Variants in ALX4 observed in about 807,000 individuals in gnomAD.
The protein encoded by ALX4 is homeobox protein aristaless-like 4.
A neutral mutation model predicts 40.6 loss-of-function variants in ALX4; 22 were observed. That is an observed-to-expected ratio of 0.54 (90% confidence interval 0.39 to 0.77). The LOEUF (loss-of-function observed/expected upper bound fraction) is 0.77. Among genes scored for constraint, ALX4 ranks in the 30% least tolerant of loss-of-function variants. ALX4 has a pLI of 0.00. For missense variants in ALX4, 556 were observed against 564.8 expected (o/e 0.98, Z 0.16); for synonymous variants, 266 against 240.5 (o/e 1.11, Z -0.98).
chr11:44,304,057 A>C (rs1190648606), intron 1 of ALX4, among the ~76,000 whole-genome samples: 1 of 152,202 alleles, frequency 6.6e-6, no homozygotes, highest in African/African-American at 2.4e-5. Context: ...CTTCCAGCAA[A>C]GGGCCCTGTT....
At chr11:44,265,753 T>G (rs149622006) in intron 3 of ALX4, among the ~76,000 whole-genome samples, 1,619 of 152,080 alleles carry the variant, frequency 0.011, 28 homozygotes, top group African/African-American at 0.036. Context: ...CTAGGAGGCT[T>G]CAGAACTAAC....
At position 44,278,242 on chromosome 11, in the gene ALX4, C is replaced by T. The variant is rs550275315; in HGVS notation, c.467-2584G>A. Among the ~76,000 whole-genome samples the T allele has an allele frequency of 1.5e-4, 23 of 151,902 alleles. 1 individual carries two copies. Among genetic ancestry groups the T allele is most frequent in the African/African-American group, 5.3e-4 (22 of 41,298 alleles). On this transcript the variant is annotated intron_variant, in intron 1 of 3. Transcript: ENST00000652299. ...GAACTGAGAGTTGGTATGGACCAGC[C>T]TGAACTCCTAGTTTTAACTGGGGGG...
intron 1 of ALX4, among the ~76,000 whole-genome samples, chr11:44,294,828 CTATTTATTTATTTATT>C (rs60988016): frequency 1.1e-4 from 17 of 148,224 alleles, no homozygotes; most frequent in African/African-American, 1.5e-4. Flanking sequence ...AGATCCTTAC[CTATTTATTTATTTATT>C]TATTTATTTA....
intron 2 of ALX4, among the ~76,000 whole-genome samples, chr11:44,269,347 C>T (rs1956231648): frequency 6.6e-6 from 1 of 152,222 alleles, no homozygotes; most frequent in African/African-American, 2.4e-5. Flanking sequence ...TTCTTTACAG[C>T]TCCTGACCTT....
chr11:44,274,820 C>T (rs1314353456), intron 2 of ALX4, among the ~76,000 whole-genome samples: 1 of 152,196 alleles, frequency 6.6e-6, no homozygotes, highest in Non-Finnish European at 1.5e-5. Flanking sequence ...GCTTTAGCCA[C>T]AGTGGTCAGG....
intron 2 of ALX4, among the ~76,000 whole-genome samples, chr11:44,268,893 C>T (rs1376155321): frequency 1.3e-5 from 2 of 152,194 alleles, no homozygotes; most frequent in Non-Finnish European, 2.9e-5. Context: ...CGCTGCAGAC[C>T]GGGAGAACAG....
intron 1 of ALX4, among the ~76,000 whole-genome samples, chr11:44,304,494 GC>G (rs550578243): frequency 2.2e-4 from 33 of 151,502 alleles, no homozygotes; most frequent in African/African-American, 9.7e-5. Flanking sequence ...GGCAGGGCGC[GC>G]CCCCCCCATG....
intron 1 of ALX4, among the ~76,000 whole-genome samples, chr11:44,283,775 G>A (rs1273823647): frequency 6.6e-6 from 1 of 152,128 alleles, no homozygotes; most frequent in African/African-American, 2.4e-5. Flanking sequence ...TGTTGCCCAG[G>A]CTGGTCTTGA....
rs1178620419 is a variant in ALX4, at chr11:44,275,558, C to T, written c.567G>A (p.Gly189=). The T allele has an allele frequency of 6.2e-7, 1 of 1,614,170 alleles. No homozygotes were observed. Among genetic ancestry groups the T allele is most frequent in the African/African-American group, 1.3e-5 (1 of 75,040 alleles). ...GGTCTGAGCTGGCCCGGTCCTGGGG[C>T]CCCTTCACCCCAGCCTCCTTGACAC... ...YLSVKEAGVK[G]PQDRASSDLP... is the part of the protein sequence containing the mutation. Residue 189 remains glycine (G), a synonymous_variant, in exon 2 of 4, where the codon GGG becomes GGA. Transcript: ENST00000652299.
chr11:44,310,057 A>T lies in ALX4; in HGVS notation c.6T>A (p.Asn2Lys). M[N>K]AETCVSYCES... ...CGCAGTAAGAGACGCAAGTCTCAGC[A>T]TTCATGCCTGGCTTGCGCAGGCGGC... is the stretch of plus-strand genomic sequence containing the variant. Residue 2 changes from asparagine (N) to lysine (K), a missense_variant, in exon 1 of 4, where the codon AAT (asparagine) becomes AAA (lysine). Coordinates refer to ENST00000652299, the MANE Select transcript of ALX4 (RefSeq NM_021926.4). 1 of 1,591,710 alleles carries T rather than the reference A, an allele frequency of 6.3e-7. No homozygotes were observed. The highest frequency in any genetic ancestry group is 8.6e-7 in the Non-Finnish European group (1 of 1,168,334).
intron 1 of ALX4, among the ~76,000 whole-genome samples, chr11:44,292,677 G>A (rs72907856): frequency 0.055 from 8,305 of 152,240 alleles, 316 homozygotes; most frequent in Non-Finnish European, 0.082. Flanking sequence ...GTTTTGGTTG[G>A]TGTTTTTGTA....
At chr11:44,273,237 A>AT (rs2135312130) in intron 2 of ALX4, among the ~76,000 whole-genome samples, 1 of 149,618 alleles carries the variant, frequency 6.7e-6, no homozygotes, top group African/African-American at 2.4e-5. Context: ...GAAGCTATTG[A>AT]TTTTTCTGGC....
At chr11:44,270,883 G>A (rs1029615589) in intron 2 of ALX4, among the ~76,000 whole-genome samples, 6 of 152,158 alleles carry the variant, frequency 3.9e-5, no homozygotes, top group African/African-American at 1.2e-4. Context: ...GGGCCAGGGC[G>A]GGGTGGCCCA....
chr11:44,261,587 A>C lies in ALX4; in HGVS notation c.*3267T>G, dbSNP rs1465960958. On this transcript the variant is annotated 3_prime_UTR_variant, in exon 4 of 4. Coordinates refer to ENST00000652299, the MANE Select transcript of ALX4 (RefSeq NM_021926.4). Reference sequence around the variant, plus strand: ...AGACAAGCCTCTCTGTGTGCCCCCCAGAGCCCTCGCTCCCATGCCCCAGGA... The same window carrying C: ...AGACAAGCCTCTCTGTGTGCCCCCCCGAGCCCTCGCTCCCATGCCCCAGGA... 2.6e-5 allele frequency: 4 copies of C among 152,210 alleles called. No individual in the cohort carries two copies. Among genetic ancestry groups the C allele is most frequent in the African/African-American group, 7.2e-5 (3 of 41,456 alleles). 9.4% of individuals were successfully genotyped at this position (152,210 alleles called of 1,614,324 possible). A position where few individuals can be genotyped will look rare whatever the true frequency, so the allele number is the denominator to read the frequency against.
rs901530755 is a variant in ALX4, at chr11:44,261,420, T to A, written c.*3434A>T. ...CCCCACACTTGCTGCACCTACCCCA[T>A]CGCAGTGTCTTTGAGCTAACCTGGC... On this transcript the variant is annotated 3_prime_UTR_variant, in exon 4 of 4. Transcript: ENST00000652299. 6.6e-6 allele frequency: 1 copy of A among 152,168 alleles called. No homozygotes were observed. The highest frequency in any genetic ancestry group is 2.4e-5 in the African/African-American group (1 of 41,432). The allele number at this position is 152,168 out of a possible 1,614,324, so 9.4% of individuals were successfully genotyped here.
intron 1 of ALX4, among the ~76,000 whole-genome samples, chr11:44,309,154 T>TCCCGCTGTCCCGCAGCCCCGCAGC (rs1956487726): frequency 1.8e-5 from 2 of 109,586 alleles, no homozygotes; most frequent in Non-Finnish European, 4.1e-5. Flanking sequence ...AGTCCTGCTG[T>TCCCGCTGTCCCGCAGCCCCGCAGC]CCCGCAGCCC....
At chr11:44,284,373 C>T (rs1254475084) in intron 1 of ALX4, among the ~76,000 whole-genome samples, 1 of 152,146 alleles carries the variant, frequency 6.6e-6, no homozygotes, top group African/African-American at 2.4e-5. Flanking sequence ...AAGAGACAAG[C>T]ACCACTTGGA....
intron 1 of ALX4, among the ~76,000 whole-genome samples, chr11:44,287,145 T>G (rs898708977): frequency 6.6e-6 from 1 of 152,214 alleles, no homozygotes; most frequent in Non-Finnish European, 1.5e-5. Flanking sequence ...CGTCCTCCAC[T>G]GCTCCGCCCT....
rs149058446 is a variant in ALX4 at position 44,306,004 on chromosome 11, C to T, written c.466+3593G>A. Among the ~76,000 whole-genome samples, 819 of 152,330 alleles carry T rather than the reference C, an allele frequency of 5.4e-3. 8 individuals are homozygous for T. Among genetic ancestry groups the T allele is most frequent in the African/African-American group, 0.019 (775 of 41,600 alleles). On this transcript the variant is annotated intron_variant, in intron 1 of 3. Coordinates refer to ENST00000652299, the MANE Select transcript of ALX4 (RefSeq NM_021926.4). ...TCCCTGCCCTGAGTACAGGGAGGCT[C>T]TCTGCGTCGCTGAGAAACGTCGGAT... is the stretch of plus-strand genomic sequence containing the variant.
Sources: gnomAD v4.1 joint callset for allele counts (sites outside exome capture counted in the v4.1 genomes callset) on GRCh38, gnomAD v4.1.1 for gene constraint, MANE v1.5 for transcripts, NCBI Gene and HGNC (gene_info 2026-07-23, HGNC 2026-07-21) for gene names.